CCSER1: variants seen among roughly 807,000 people sequenced by gnomAD.
CCSER1 encodes coiled-coil serine rich protein 1.
Under a neutral mutation model 82.0 loss-of-function variants are expected in CCSER1, and 41 were observed. That is an observed-to-expected ratio of 0.50 (90% CI 0.39 to 0.65). The LOEUF (loss-of-function observed/expected upper bound fraction) is 0.65. Among genes scored for constraint, CCSER1 ranks in the 30% least tolerant of loss-of-function variants. The pLI, the probability that CCSER1 is intolerant of heterozygous loss-of-function variation, is 0.00. For synonymous variants in CCSER1, 414 were observed against 383.9 expected (o/e 1.08, Z -0.92); for missense variants, 1,119 against 1,064.2 (o/e 1.05, Z -0.72).
chr4:90,297,703 AG>A (rs1184915787), intron 1 of CCSER1, among the ~76,000 whole-genome samples: 15 of 152,026 alleles, frequency 9.9e-5, no homozygotes, highest in Admixed American at 2.0e-4. Flanking sequence ...TTTAGCATGA[AG>A]GGTTGTTGAA....
At chr4:90,256,613 A>G (rs752672177) in intron 1 of CCSER1, among the ~76,000 whole-genome samples, 2 of 152,140 alleles carry the variant, frequency 1.3e-5, no homozygotes, top group Non-Finnish European at 2.9e-5. Context: ...TTAAAAATAC[A>G]TTAAGGTTGA....
intron 10 of CCSER1, among the ~76,000 whole-genome samples, chr4:91,111,076 A>G (rs1441836104): frequency 6.6e-6 from 1 of 151,972 alleles, no homozygotes; most frequent in Non-Finnish European, 1.5e-5. Context: ...AACCATTTTT[A>G]AATGTGGTTG....
intron 10 of CCSER1, among the ~76,000 whole-genome samples, chr4:91,456,137 T>A (rs1457754722): frequency 6.6e-6 from 1 of 152,084 alleles, no homozygotes; most frequent in Non-Finnish European, 1.5e-5. Flanking sequence ...CCTGGTCAGT[T>A]CCTGGAGAGG....
At chr4:91,221,572 AT>A (rs1316315677) in intron 10 of CCSER1, among the ~76,000 whole-genome samples, 1 of 78,618 alleles carries the variant, frequency 1.3e-5, no homozygotes, top group African/African-American at 7.4e-5. Context: ...GGATTGGAAA[AT>A]AAAAAATATG....
rs1387660114 is a variant in CCSER1 at position 90,271,860 on chromosome 4, ATATTTTTTTTT to A, written c.-41-36382_-41-36372del. 1.8e-3 allele frequency among the ~76,000 whole-genome samples: 40 copies of A among 22,212 alleles called. 1 individual carries two copies. The highest frequency in any genetic ancestry group is 8.4e-3 in the Admixed American group (14 of 1,662). 14.6% of individuals were successfully genotyped at this position (22,212 alleles called of 152,430 possible). A position where few individuals can be genotyped will look rare whatever the true frequency, so the allele number is the denominator to read the frequency against. Reference sequence around the variant, plus strand: ...TATATATATATATATATATATATATATATTTTTTTTTTTTTTTTTTTTTTTTTTTTAAAAGG... The same window carrying A: ...TATATATATATATATATATATATATATTTTTTTTTTTTTTTTTTTAAAAGG... On this transcript the variant is annotated intron_variant, in intron 1 of 10. Transcript: ENST00000509176.
At chr4:90,756,936 A>G (rs1749625900) in intron 7 of CCSER1, among the ~76,000 whole-genome samples, 2 of 152,198 alleles carry the variant, frequency 1.3e-5, no homozygotes, top group Admixed American at 6.5e-5. Flanking sequence ...ACTTTATTCC[A>G]CTGATATGAA....
chr4:91,367,794 C>A (rs1452536029), intron 10 of CCSER1, among the ~76,000 whole-genome samples: 2 of 152,154 alleles, frequency 1.3e-5, no homozygotes, highest in African/African-American at 4.8e-5. Context: ...AACCAGCCAT[C>A]CCATCTGTTT....
chr4:90,313,134 A>G (rs1735601566), intron 3 of CCSER1, 87 bp downstream of exon 3: 2 of 1,053,038 alleles, frequency 1.9e-6, no homozygotes, highest in South Asian at 2.8e-5. Flanking sequence ...AACACAGACT[A>G]CAGGATAGAC....
intron 6 of CCSER1, among the ~76,000 whole-genome samples, chr4:90,670,865 A>G (rs544962941): frequency 4.6e-4 from 70 of 152,182 alleles, no homozygotes; most frequent in African/African-American, 1.7e-3. Flanking sequence ...GCAAGAGTCA[A>G]GTATACCAAT....
At chr4:91,570,179 C>G (rs1763102263) in intron 10 of CCSER1, among the ~76,000 whole-genome samples, 1 of 152,190 alleles carries the variant, frequency 6.6e-6, no homozygotes, top group Non-Finnish European at 1.5e-5. Context: ...TTGAGCAGCT[C>G]TGCCCCTGTG....
At chr4:91,550,348 C>A (rs1391626849) in intron 10 of CCSER1, among the ~76,000 whole-genome samples, 1 of 152,158 alleles carries the variant, frequency 6.6e-6, no homozygotes, top group Non-Finnish European at 1.5e-5. Context: ...GAGCTTTTAA[C>A]TCAAGGACTT....
At chr4:91,432,604 C>T (rs897431356) in intron 10 of CCSER1, among the ~76,000 whole-genome samples, 3 of 152,012 alleles carry the variant, frequency 2.0e-5, no homozygotes, top group African/African-American at 7.2e-5. Flanking sequence ...AAAAAAATAT[C>T]TCTATGTAGA....
At chr4:91,161,188 G>T (rs918772083) in intron 10 of CCSER1, among the ~76,000 whole-genome samples, 1 of 152,042 alleles carries the variant, frequency 6.6e-6, no homozygotes, top group Non-Finnish European at 1.5e-5. Flanking sequence ...CTTTTTGTCA[G>T]ATTTGTCAAA....
intron 1 of CCSER1, among the ~76,000 whole-genome samples, chr4:90,230,058 T>A (rs920668741): frequency 6.6e-6 from 1 of 152,136 alleles, no homozygotes; most frequent in Non-Finnish European, 1.5e-5. Context: ...ATTAGACAGA[T>A]CAACGAGACA....
intron 7 of CCSER1, among the ~76,000 whole-genome samples, chr4:90,778,543 C>T (rs1221926476): frequency 7.8e-6 from 1 of 128,510 alleles, no homozygotes; most frequent in Non-Finnish European, 1.7e-5. Flanking sequence ...AAAAAAAACA[C>T]AAAAAGAAAC....
chr4:91,165,709 G>A (rs535913495), intron 10 of CCSER1, among the ~76,000 whole-genome samples: 2 of 152,364 alleles, frequency 1.3e-5, no homozygotes, highest in Non-Finnish European at 1.5e-5. Flanking sequence ...CAGTCAGCAA[G>A]GCTCCATGGG....
At chr4:90,249,270 A>G (rs1372904029) in intron 1 of CCSER1, among the ~76,000 whole-genome samples, 1 of 152,110 alleles carries the variant, frequency 6.6e-6, no homozygotes, top group Non-Finnish European at 1.5e-5. Flanking sequence ...AGAGATTACT[A>G]ATTTTGTCAA....
At chr4:91,024,728 T>G (rs1442159537) in intron 9 of CCSER1, among the ~76,000 whole-genome samples, 1 of 152,082 alleles carries the variant, frequency 6.6e-6, no homozygotes, top group Non-Finnish European at 1.5e-5. Flanking sequence ...AAGAGTTTTA[T>G]CTCTTATTTC....
chr4:90,769,502 C>T (rs1751757454), intron 7 of CCSER1, among the ~76,000 whole-genome samples: 1 of 152,186 alleles, frequency 6.6e-6, no homozygotes, highest in South Asian at 2.1e-4. Context: ...TATTAAGTAA[C>T]TTCCAGTAAT....
Sources: gnomAD v4.1 joint callset for allele counts (sites outside exome capture counted in the v4.1 genomes callset) on GRCh38, gnomAD v4.1.1 for gene constraint, MANE v1.5 for transcripts, NCBI Gene and HGNC (gene_info 2026-07-23, HGNC 2026-07-21) for gene names.